Variants in DAB1 observed in about 807,000 individuals in gnomAD.
The protein encoded by DAB1 is DAB adaptor protein 1.
A neutral mutation model predicts 64.6 loss-of-function variants in DAB1; 15 were observed. That is an observed-to-expected ratio of 0.23 (90% confidence interval 0.16 to 0.36). DAB1 has a LOEUF of 0.36. Among genes scored for constraint, DAB1 ranks in the 10% least tolerant of loss-of-function variants. The pLI is 1.00. For missense variants in DAB1, 596 were observed against 706.7 expected, an observed-to-expected ratio of 0.84 and a Z score of 1.78; for synonymous variants, 235 against 251.9, an observed-to-expected ratio of 0.93 and a Z score of 0.64.
intron 5 of DAB1, among the ~76,000 whole-genome samples, chr1:57,906,826 T>C (rs1482402027): frequency 6.6e-6 from 1 of 152,160 alleles, no homozygotes; most frequent in Non-Finnish European, 1.5e-5. Flanking sequence ...TCTGCCCTTC[T>C]CTTGGTGCTC....
chr1:58,163,439 A>C (rs1438566304), intron 4 of DAB1, among the ~76,000 whole-genome samples: 1 of 152,220 alleles, frequency 6.6e-6, no homozygotes, highest in Non-Finnish European at 1.5e-5. Context: ...CTCTCTCTCC[A>C]CAACATCTAT....
rs187516961 is a variant in DAB1, at chr1:57,308,325, G to T, written c.-136-17159C>A. On this transcript the variant is annotated intron_variant, in intron 1 of 14. Coordinates refer to ENST00000371236, the MANE Select transcript of DAB1 (RefSeq NM_001365792.1). ...TACCAGTTAACGTCCATGCAAGGAG[G>T]AATGGATATATGATCAGAAGAAGCA... is the stretch of plus-strand genomic sequence containing the variant. 2.6e-5 allele frequency among the ~76,000 whole-genome samples: 4 copies of T among 152,198 alleles called. No homozygotes were observed. The East Asian group carries it at 7.8e-4, about 30-fold the overall frequency.
intron 11 of DAB1, among the ~76,000 whole-genome samples, chr1:57,020,413 G>T (rs938844238): frequency 6.6e-6 from 1 of 152,196 alleles, no homozygotes; most frequent in Non-Finnish European, 1.5e-5. Context: ...GTAGAATTAT[G>T]ATCATCCCCA....
chr1:57,841,484 G>A (rs1273206162), intron 1 of DAB1, among the ~76,000 whole-genome samples: 1 of 152,160 alleles, frequency 6.6e-6, no homozygotes, highest in East Asian at 1.9e-4. Flanking sequence ...AGTTCTTCAT[G>A]AGGGCTCCAC....
chr1:57,748,816 TC>T (rs1648411707), intron 6 of DAB1, among the ~76,000 whole-genome samples: 1 of 152,302 alleles, frequency 6.6e-6, no homozygotes, highest in Middle Eastern at 3.4e-3. Context: ...CCACCCATGT[TC>T]CAGGCCAGTG....
chr1:57,359,658 T>C (rs1377212699), intron 1 of DAB1, among the ~76,000 whole-genome samples: 4 of 151,990 alleles, frequency 2.6e-5, no homozygotes, highest in Non-Finnish European at 5.9e-5. Flanking sequence ...TAGCAATACA[T>C]TTATAATAGC....
rs150915559 is a variant in DAB1, at chr1:58,088,305, T to G, written n.387+62206A>C. Among the ~76,000 whole-genome samples the G allele has an allele frequency of 8.3e-3, 1,259 of 152,308 alleles. 21 individuals carry two copies. Among genetic ancestry groups the G allele is most frequent in the African/African-American group, 0.026 (1,097 of 41,562 alleles). ...GTATATTTTGAAAGACACTGAAAAA[T>G]GAGACACGGGTTAGCGACATTTTGC... On this transcript the variant is annotated intron_variant and non_coding_transcript_variant, in intron 5 of 20. Coordinates refer to the DAB1 transcript ENST00000485760.
intron 7 of DAB1, among the ~76,000 whole-genome samples, chr1:57,484,208 G>A (rs1160504231): frequency 6.6e-6 from 1 of 152,200 alleles, no homozygotes; most frequent in Non-Finnish European, 1.5e-5. Context: ...TATGGAAATA[G>A]GTTATCAGGG....
intron 6 of DAB1, among the ~76,000 whole-genome samples, chr1:57,772,085 A>T (rs976475611): frequency 1.3e-5 from 2 of 152,124 alleles, no homozygotes; most frequent in African/African-American, 4.8e-5. Context: ...TGGTATGTTT[A>T]ATAGGTGATT....
At chr1:57,987,321 G>A (rs895114979) in intron 5 of DAB1, among the ~76,000 whole-genome samples, 6 of 152,132 alleles carry the variant, frequency 3.9e-5, no homozygotes, top group Non-Finnish European at 8.8e-5. Context: ...TACAGTTTGT[G>A]AGTCTATTGT....
At chr1:57,344,321 A>G (rs1677910019) in intron 1 of DAB1, among the ~76,000 whole-genome samples, 1 of 152,202 alleles carries the variant, frequency 6.6e-6, no homozygotes, top group Admixed American at 6.5e-5. Context: ...CTCTCTGCCT[A>G]GCTCTTTCTC....
At chr1:57,971,693 T>C (rs1370947875) in intron 5 of DAB1, among the ~76,000 whole-genome samples, 2 of 152,232 alleles carry the variant, frequency 1.3e-5, no homozygotes, top group Non-Finnish European at 2.9e-5. Flanking sequence ...CATATAGTTA[T>C]TTTGTATCCG....
At chr1:57,397,305 G>A (rs998942540) in intron 1 of DAB1, among the ~76,000 whole-genome samples, 1 of 152,112 alleles carries the variant, frequency 6.6e-6, no homozygotes, top group African/African-American at 2.4e-5. Context: ...TAACTATACA[G>A]ATAGTTGTCA....
Position 57,792,570 on chromosome 1 carries a change from TCA to T in DAB1, n.551+91427_551+91428del, listed in dbSNP as rs2101860525. 1.3e-5 allele frequency among the ~76,000 whole-genome samples: 2 copies of T among 152,342 alleles called. 1 individual carries two copies. Among genetic ancestry groups the T allele is most frequent in the East Asian group, 3.9e-4 (2 of 5,182 alleles). On this transcript the variant is annotated intron_variant and non_coding_transcript_variant, in intron 6 of 20. Transcript: ENST00000485760. ...CTGGTCATTGGTCAATTTTATCAGC[TCA>T]CAGTTTATTTCTTCCTCCCAGCTGA... is the stretch of plus-strand genomic sequence containing the variant.
intron 4 of DAB1, among the ~76,000 whole-genome samples, chr1:58,231,795 T>G (rs1438354115): frequency 6.6e-6 from 1 of 152,138 alleles, no homozygotes; most frequent in East Asian, 1.9e-4. Context: ...GTGGGGACAG[T>G]TGGAGTATAG....
chr1:58,027,371 A>AT (rs1280349828), intron 5 of DAB1, among the ~76,000 whole-genome samples: 2 of 152,180 alleles, frequency 1.3e-5, no homozygotes, highest in African/African-American at 4.8e-5. Flanking sequence ...CCTTGATTGG[A>AT]TTTTTTAAAA....
chr1:57,309,079 A>G (rs1193873659), intron 1 of DAB1, among the ~76,000 whole-genome samples: 1 of 152,190 alleles, frequency 6.6e-6, no homozygotes, highest in Non-Finnish European at 1.5e-5. Context: ...CTCATCAGCT[A>G]TCATTAGTGT....
At chr1:57,115,380 A>G (rs985481457) in intron 4 of DAB1, among the ~76,000 whole-genome samples, 2 of 152,206 alleles carry the variant, frequency 1.3e-5, no homozygotes, top group Non-Finnish European at 2.9e-5. Context: ...GAAGGTCCTC[A>G]GTAAGAAGTG....
chr1:57,475,240 G>GCAC lies in DAB1; in HGVS notation n.625+174349_625+174351dup, dbSNP rs545687075. Among the ~76,000 whole-genome samples the GCAC allele has an allele frequency of 7.3e-3, 1,112 of 152,292 alleles. 13 individuals carry two copies. The highest frequency in any genetic ancestry group is 9.9e-3 in the Non-Finnish European group (673 of 68,016). On this transcript the variant is annotated intron_variant and non_coding_transcript_variant, in intron 7 of 20. Coordinates refer to the DAB1 transcript ENST00000485760. ...TGCAGTGAGCTGATATCATGCCACT[G>GCAC]CACCCCAGCCTGGGTGACAGAGCAA... is the stretch of plus-strand genomic sequence containing the variant.
Sources: gnomAD v4.1 joint callset for allele counts (sites outside exome capture counted in the v4.1 genomes callset) on GRCh38, gnomAD v4.1.1 for gene constraint, MANE v1.5 for transcripts, NCBI Gene and HGNC (gene_info 2026-07-23, HGNC 2026-07-21) for gene names.